Variants in MACROD2 observed in about 807,000 individuals in gnomAD.
MACROD2 encodes ADP-ribose glycohydrolase MACROD2.
Under a neutral mutation model 70.4 loss-of-function variants are expected in MACROD2, and 36 were observed. The ratio of observed to expected loss-of-function variants is 0.51; its 90% CI spans 0.39 to 0.68. The LOEUF (loss-of-function observed/expected upper bound fraction) is 0.68, where lower values mean the gene tolerates loss of function less well. Among genes scored for constraint, MACROD2 ranks in the 30% least tolerant of loss-of-function variants. The probability of loss-of-function intolerance (pLI) is 0.00; values close to 1 mark genes in which losing one functional copy is unlikely to be tolerated. For synonymous variants in MACROD2, 172 were observed against 178.8 expected (o/e 0.96, Z 0.30); for missense variants, 496 against 538.4 (o/e 0.92, Z 0.78).
chr20:15,747,161 G>A (rs1373975254), intron 8 of MACROD2, among the ~76,000 whole-genome samples: 1 of 152,118 alleles, frequency 6.6e-6, no homozygotes. Flanking sequence ...CCATAATAAG[G>A]AGGTCTCAGC....
chr20:15,982,188 G>A (rs6074985), intron 13 of MACROD2, among the ~76,000 whole-genome samples: 21,975 of 152,100 alleles, frequency 0.14, 1,856 homozygotes, highest in South Asian at 0.3. Context: ...GGGGGGTTCA[G>A]AGGGGTCATA....
chr20:14,442,373 A>G (rs2084133729), intron 3 of MACROD2, among the ~76,000 whole-genome samples: 1 of 152,088 alleles, frequency 6.6e-6, no homozygotes. Context: ...AAGCAGGTGA[A>G]TCTTTGTATT....
intron 8 of MACROD2, among the ~76,000 whole-genome samples, chr20:15,679,645 C>T (rs900469502): frequency 1.3e-5 from 2 of 152,276 alleles, no homozygotes; most frequent in South Asian, 2.1e-4. Context: ...AGCCTATCTA[C>T]CCTGCTGCAA....
chr20:15,010,214 T>C (rs1370079127), intron 5 of MACROD2, among the ~76,000 whole-genome samples: 3 of 152,208 alleles, frequency 2.0e-5, no homozygotes, highest in Non-Finnish European at 4.4e-5. Flanking sequence ...TACCCTATCT[T>C]CCCTACCTTA....
chr20:15,680,839 A>T (rs1228882438), intron 8 of MACROD2, among the ~76,000 whole-genome samples: 2 of 152,206 alleles, frequency 1.3e-5, no homozygotes, highest in African/African-American at 2.4e-5. Flanking sequence ...ATTTCAGAGC[A>T]GTAAAAAGGC....
At chr20:15,939,712 G>A (rs1460640799) in intron 12 of MACROD2, among the ~76,000 whole-genome samples, 1 of 151,922 alleles carries the variant, frequency 6.6e-6, no homozygotes, top group Non-Finnish European at 1.5e-5. Flanking sequence ...GACTGTAACT[G>A]CCATAGATAG....
At position 14,742,768 on chromosome 20, in the gene MACROD2, A is replaced by ATT. The variant is rs1329076251; in HGVS notation, c.418+57812_418+57813dup. On this transcript the variant is annotated intron_variant, in intron 5 of 17. Transcript: ENST00000684519. ...AGTAATATAAACTTTATTTTATTTT[A>ATT]TTTTATTTTTTTTTTTGAGATGGAG... 1.6e-4 allele frequency among the ~76,000 whole-genome samples: 24 copies of ATT among 146,638 alleles called. No individual in the cohort carries two copies. In the East Asian group the frequency reaches 2.4e-3, roughly 15 times the overall value.
chr20:15,702,002 T>C (rs2050467669), intron 8 of MACROD2, among the ~76,000 whole-genome samples: 1 of 152,224 alleles, frequency 6.6e-6, no homozygotes, highest in Non-Finnish European at 1.5e-5. Flanking sequence ...GTTTTATTCT[T>C]TTTTATGGCT....
chr20:15,113,381 G>A (rs1044580073), intron 5 of MACROD2, among the ~76,000 whole-genome samples: 1 of 152,074 alleles, frequency 6.6e-6, no homozygotes, highest in African/African-American at 2.4e-5. Context: ...TGGTTCATGA[G>A]CATTTACAAA....
At chr20:14,407,786 C>T (rs1000131587) in intron 3 of MACROD2, among the ~76,000 whole-genome samples, 1 of 152,140 alleles carries the variant, frequency 6.6e-6, no homozygotes, top group South Asian at 2.1e-4. Flanking sequence ...GCTTTATGAG[C>T]TTCTTCACTT....
chr20:15,765,701 A>G (rs1412854842), intron 8 of MACROD2, among the ~76,000 whole-genome samples: 1 of 152,244 alleles, frequency 6.6e-6, no homozygotes, highest in African/African-American at 2.4e-5. Context: ...GAACATATTT[A>G]CAACAGCAAC....
intron 11 of MACROD2, among the ~76,000 whole-genome samples, chr20:15,933,634 G>A (rs928719640): frequency 1.3e-5 from 2 of 152,198 alleles, no homozygotes; most frequent in African/African-American, 4.8e-5. Flanking sequence ...GGCAGAGCTT[G>A]GCTGAGTTAG....
At chr20:14,398,917 G>T (rs777335367) in intron 3 of MACROD2, among the ~76,000 whole-genome samples, 5 of 151,708 alleles carry the variant, frequency 3.3e-5, no homozygotes, top group Non-Finnish European at 5.9e-5. Flanking sequence ...TAAACAGCAC[G>T]CCCTGTTCAT....
At chr20:15,559,003 C>T (rs922880525) in intron 8 of MACROD2, among the ~76,000 whole-genome samples, 22 of 152,044 alleles carry the variant, frequency 1.4e-4, no homozygotes, top group South Asian at 1.0e-3. Context: ...CCGAGACGGG[C>T]GGATCACGAG....
At chr20:14,625,857 C>CT (rs1984117527) in intron 4 of MACROD2, among the ~76,000 whole-genome samples, 2 of 152,214 alleles carry the variant, frequency 1.3e-5, no homozygotes, top group South Asian at 4.2e-4. Context: ...GAGTCTCACT[C>CT]TATCGCCCAG....
intron 4 of MACROD2, among the ~76,000 whole-genome samples, chr20:14,572,189 C>T (rs1455931088): frequency 6.6e-6 from 1 of 151,922 alleles, no homozygotes; most frequent in Admixed American, 6.6e-5. Context: ...AAGTATAGGC[C>T]AATCATATAT....
intron 7 of MACROD2, among the ~76,000 whole-genome samples, chr20:15,441,639 T>A (rs1026677877): frequency 1.3e-5 from 2 of 152,048 alleles, no homozygotes; most frequent in Non-Finnish European, 2.9e-5. Flanking sequence ...AAATTAAAAA[T>A]AATTAAGTGA....
intron 15 of MACROD2, among the ~76,000 whole-genome samples, chr20:16,036,411 C>T (rs191102927): frequency 1.9e-4 from 29 of 151,970 alleles, no homozygotes; most frequent in African/African-American, 6.3e-4. Flanking sequence ...ACTCCACTAA[C>T]CTAGAAAAAA....
chr20:14,445,016 G>A (rs1297607727), intron 3 of MACROD2, among the ~76,000 whole-genome samples: 1 of 151,986 alleles, frequency 6.6e-6, no homozygotes, highest in African/African-American at 2.4e-5. Flanking sequence ...TTGCCCCTCT[G>A]TAGTTTGTTT....
Sources: allele counts gnomAD v4.1 joint callset (sites outside exome capture counted in the v4.1 genomes callset), GRCh38; gene constraint gnomAD v4.1.1; transcripts MANE v1.5; gene names NCBI Gene and HGNC (gene_info 2026-07-23, HGNC 2026-07-21).